GALK2: variants seen among roughly 807,000 people sequenced by gnomAD.
GALK2 encodes galactokinase 2.
In GALK2, 36 loss-of-function variants were observed where a neutral mutation model predicts 52.4. The ratio of observed to expected loss-of-function variants is 0.69; its 90% CI spans 0.53 to 0.91. GALK2 has a LOEUF of 0.91. Among genes scored for constraint, GALK2 ranks in the 40% least tolerant of loss-of-function variants. GALK2 has a pLI of 0.00. For missense variants in GALK2, 579 were observed against 559.1 expected (o/e 1.04, Z -0.36); for synonymous variants, 176 against 199.1 (o/e 0.88, Z 0.98).
rs572421476 is a variant in GALK2 at position 49,250,588 on chromosome 15, TATTTTTG to T, written c.504+11224_504+11230del. 1.6e-4 allele frequency among the ~76,000 whole-genome samples: 24 copies of T among 152,256 alleles called. No homozygotes were observed. In the East Asian group the frequency reaches 4.2e-3, roughly 27 times the overall value. On this transcript the variant is annotated intron_variant, in intron 5 of 9. Transcript: ENST00000560031. ...GGAGTTGTCTGGATTCCAGCTCACA[TATTTTTG>T]ATCCAAAATGGATACTTTTCTATTC...
chr15:49,365,209 AC>A, intron 3 of GALK2: 1 of 885,004 alleles, frequency 1.1e-6, no homozygotes, highest in African/African-American at 1.6e-5. Flanking sequence ...GATAGCTGTT[AC>A]CTTTCCAGAA....
At chr15:49,221,721 T>C (rs2089808637) in intron 3 of GALK2, among the ~76,000 whole-genome samples, 1 of 151,948 alleles carries the variant, frequency 6.6e-6, no homozygotes, top group African/African-American at 2.4e-5. Context: ...TGTACATACA[T>C]GGATGTATTT....
intron 2 of GALK2, among the ~76,000 whole-genome samples, chr15:49,216,941 G>T (rs544612107): frequency 6.6e-6 from 1 of 152,070 alleles, no homozygotes; most frequent in Non-Finnish European, 1.5e-5. Flanking sequence ...TTAAAACCAG[G>T]TACTGTGATT....
intron 5 of GALK2, among the ~76,000 whole-genome samples, chr15:49,276,904 G>GTTTTTTTTTTTTTTTTTTTGTTT (rs34440691): frequency 1.3e-5 from 1 of 77,902 alleles, no homozygotes; most frequent in Admixed American, 1.4e-4. Flanking sequence ...AGAATCTGAG[G>GTTTTTTTTTTTTTTTTTTTGTTT]TTTTTTTTTT....
At chr15:49,346,934 A>G (rs1257657722) in intron 3 of GALK2, among the ~76,000 whole-genome samples, 1 of 152,186 alleles carries the variant, frequency 6.6e-6, no homozygotes, top group Non-Finnish European at 1.5e-5. Flanking sequence ...AAATATTTTA[A>G]TGTTAGATTT....
At chr15:49,200,081 T>A (rs2087606588) in intron 1 of GALK2, among the ~76,000 whole-genome samples, 1 of 152,166 alleles carries the variant, frequency 6.6e-6, no homozygotes, top group African/African-American at 2.4e-5. Flanking sequence ...CCTGGTGTTA[T>A]TACCCAGATA....
In GALK2 at chr15:49,283,624, C is replaced by G. The variant is rs1200178255; in HGVS notation, c.662C>G (p.Ala221Gly). The G allele has an allele frequency of 6.2e-7, 1 of 1,613,836 alleles. No homozygotes were observed. The highest frequency in any genetic ancestry group is 8.5e-7 in the Non-Finnish European group (1 of 1,179,776). Residue 221 changes from alanine to glycine, a missense_variant, in exon 7 of 10, where the codon GCA becomes GGA. Coordinates refer to ENST00000560031, the MANE Select transcript of GALK2 (RefSeq NM_002044.4). Reference sequence around the variant, plus strand: ...ACCGATGTAAAACTCCCAAGTGGAGCAGTGTTTGTGATTGCCAACAGTTGT... The same window carrying G: ...ACCGATGTAAAACTCCCAAGTGGAGGAGTGTTTGTGATTGCCAACAGTTGT... The part of the protein sequence containing the change: ...RATDVKLPSG[A>G]VFVIANSCVE...
At chr15:49,160,188 T>C (rs1285146180) in intron 1 of GALK2, among the ~76,000 whole-genome samples, 3 of 152,036 alleles carry the variant, frequency 2.0e-5, no homozygotes, top group Admixed American at 6.6e-5. Flanking sequence ...GGCAGGAGAA[T>C]TGCTTGCATC....
At position 49,197,915 on chromosome 15, in the gene GALK2, C is replaced by G. The variant is rs1480013114; in HGVS notation, c.54-3247C>G. 2.0e-5 allele frequency among the ~76,000 whole-genome samples: 3 copies of G among 152,118 alleles called. 1 individual carries two copies. Among genetic ancestry groups the G allele is most frequent in the South Asian group, 4.1e-4 (2 of 4,828 alleles). On this transcript the variant is annotated intron_variant, in intron 1 of 9. Transcript: ENST00000560031. ...GGAATATTTTCTTATTTAACTTCTA[C>G]TATCTGCTTTGTCAGTTTTTTTTTC...
chr15:49,327,307 C>T (rs80207458), intron 9 of GALK2: 1 of 152,304 alleles, frequency 6.6e-6, no homozygotes, highest in African/African-American at 2.4e-5. Flanking sequence ...TAGGGACTGC[C>T]CTCTGCTTTG....
intron 5 of GALK2, among the ~76,000 whole-genome samples, chr15:49,242,167 C>A (rs17396119): frequency 0.15 from 22,836 of 152,060 alleles, 2,219 homozygotes; most frequent in Non-Finnish European, 0.21. Flanking sequence ...TGAGCTAGTT[C>A]AAAATGCTCC....
At chr15:49,159,183 A>C (rs2084558963) in intron 1 of GALK2, among the ~76,000 whole-genome samples, 1 of 152,216 alleles carries the variant, frequency 6.6e-6, no homozygotes. Flanking sequence ...GTACCCGTGC[A>C]CCATAATTCA....
intron 5 of GALK2, among the ~76,000 whole-genome samples, chr15:49,253,533 G>A (rs963297808): frequency 1.4e-5 from 2 of 144,148 alleles, no homozygotes; most frequent in East Asian, 1.9e-4. Context: ...TTTTCCAATA[G>A]CATTTGTGCA....
At chr15:49,215,745 G>A (rs1036255601) in intron 2 of GALK2, among the ~76,000 whole-genome samples, 5 of 152,186 alleles carry the variant, frequency 3.3e-5, no homozygotes, top group South Asian at 2.1e-4. Context: ...GGTGTCTTCT[G>A]TAGTTCATTT....
intron 8 of GALK2, among the ~76,000 whole-genome samples, chr15:49,302,996 G>C: frequency 6.6e-6 from 1 of 152,156 alleles, no homozygotes. Flanking sequence ...TGTTTTGGAA[G>C]TCAAGTTTGC....
Position 49,217,258 on chromosome 15 carries a change from G to A in GALK2, c.211G>A (p.Val71Ile), listed in dbSNP as rs1237266603. The change falls in exon 3 of 10, where the codon GTA becomes ATA. Residue 71 changes from valine to isoleucine, a missense_variant. By Grantham distance (29) the Val-to-Ile change is conservative. Transcript: ENST00000560031. ...MAVEQDVLIAVEPVKTYALQL... is the reference protein window; with the variant it reads ...MAVEQDVLIAIEPVKTYALQL... ...TGTAGAACAAGATGTGCTAATAGCT[G>A]TAGAACCTGTGAAAACGTACGCTCT... 1 of 1,613,302 alleles carries A rather than the reference G, an allele frequency of 6.2e-7. No individual in the cohort carries two copies. Among genetic ancestry groups the A allele is most frequent in the Non-Finnish European group, 8.5e-7 (1 of 1,179,410 alleles).
intron 3 of GALK2, among the ~76,000 whole-genome samples, chr15:49,219,070 A>G (rs958429956): frequency 2.6e-5 from 4 of 152,078 alleles, no homozygotes; most frequent in Admixed American, 6.5e-5. Flanking sequence ...CAAGTGATCC[A>G]CCTGCATCAG....
At chr15:49,231,319 A>G (rs975053051) in intron 3 of GALK2, among the ~76,000 whole-genome samples, 1 of 152,172 alleles carries the variant, frequency 6.6e-6, no homozygotes, top group Non-Finnish European at 1.5e-5. Flanking sequence ...TGAGAACTGT[A>G]TCACGAGAAG....
upstream of GALK2, chr15:49,170,089 A>G: frequency 1.1e-6 from 1 of 886,612 alleles, no homozygotes; most frequent in Non-Finnish European, 1.6e-6. Flanking sequence ...TAAGAGCAGG[A>G]CGGAGGCTGT....
Sources: gnomAD v4.1 joint callset for allele counts (sites outside exome capture counted in the v4.1 genomes callset) on GRCh38, gnomAD v4.1.1 for gene constraint, MANE v1.5 for transcripts, NCBI Gene and HGNC (gene_info 2026-07-23, HGNC 2026-07-21) for gene names.